Variants in NOS1AP observed in about 807,000 individuals in gnomAD.
NOS1AP encodes carboxyl-terminal PDZ ligand of neuronal nitric oxide synthase protein.
NOS1AP carries 21 observed loss-of-function variants against 56.2 expected under a neutral mutation model. The ratio of observed to expected loss-of-function variants is 0.37; its 90% CI spans 0.26 to 0.54. The LOEUF is 0.54. Among genes scored for constraint, NOS1AP ranks in the 20% least tolerant of loss-of-function variants. NOS1AP has a pLI of 0.84. For missense variants in NOS1AP, 522 were observed against 657.8 expected, an observed-to-expected ratio of 0.79 and a Z score of 2.26; for synonymous variants, 270 against 274.6, an observed-to-expected ratio of 0.98 and a Z score of 0.17.
intron 3 of NOS1AP, among the ~76,000 whole-genome samples, chr1:162,290,372 C>T (rs1415327333): frequency 1.3e-5 from 2 of 152,218 alleles, no homozygotes; most frequent in African/African-American, 4.8e-5. Flanking sequence ...TAACAGCAAT[C>T]AGCCTTTTTG....
chr1:162,191,517 C>G (rs996068872), intron 2 of NOS1AP, among the ~76,000 whole-genome samples: 1 of 152,154 alleles, frequency 6.6e-6, no homozygotes, highest in African/African-American at 2.4e-5. Flanking sequence ...TGGGAAGATC[C>G]TGTGTTCCCC....
At position 162,215,215 on chromosome 1, in the gene NOS1AP, C is replaced by T. The variant is rs139654511; in HGVS notation, c.177+60739C>T. ...TGCCTGCCCTGAGCACCCCTAGCCT[C>T]GGGGCCCGTAAGTCCCAGGAAGTGC... On this transcript the variant is annotated intron_variant, in intron 2 of 9. Coordinates refer to ENST00000361897, the MANE Select transcript of NOS1AP (RefSeq NM_014697.3). 2.3e-3 allele frequency among the ~76,000 whole-genome samples: 355 copies of T among 152,300 alleles called. 3 individuals carry two copies. The highest frequency in any genetic ancestry group is 7.9e-3 in the African/African-American group (329 of 41,562).
At chr1:162,138,867 GA>G (rs549358857) in intron 1 of NOS1AP, among the ~76,000 whole-genome samples, 72 of 152,322 alleles carry the variant, frequency 4.7e-4, no homozygotes, top group African/African-American at 1.7e-3. Context: ...CAGTTAGCCA[GA>G]GCAGGGGTTC....
intron 2 of NOS1AP, among the ~76,000 whole-genome samples, chr1:162,178,896 G>A (rs1444188338): frequency 1.3e-5 from 2 of 152,122 alleles, no homozygotes; most frequent in Non-Finnish European, 2.9e-5. Flanking sequence ...AAAGTAAAAA[G>A]ACTAGTTTAG....
At chr1:162,187,576 A>G (rs1165376650) in intron 2 of NOS1AP, among the ~76,000 whole-genome samples, 1 of 152,214 alleles carries the variant, frequency 6.6e-6, no homozygotes, top group Non-Finnish European at 1.5e-5. Context: ...TACATTGTCA[A>G]ATTGACTCCT....
intron 1 of NOS1AP, among the ~76,000 whole-genome samples, chr1:162,105,089 A>C (rs1647442243): frequency 6.6e-6 from 1 of 151,904 alleles, no homozygotes; most frequent in Non-Finnish European, 1.5e-5. Flanking sequence ...AGGGTTTTTG[A>C]GGGGTCTTTT....
chr1:162,118,414 G>T (rs754414458), intron 1 of NOS1AP, among the ~76,000 whole-genome samples: 3 of 152,160 alleles, frequency 2.0e-5, no homozygotes, highest in African/African-American at 7.2e-5. Context: ...CTACATCCAC[G>T]TTGCTGCAAA....
chr1:162,341,108 G>T (rs1657093931), intron 5 of NOS1AP, among the ~76,000 whole-genome samples: 1 of 152,158 alleles, frequency 6.6e-6, no homozygotes, highest in Non-Finnish European at 1.5e-5. Flanking sequence ...TCCTTCCAAA[G>T]ATAAATTTAG....
At chr1:162,207,172 C>T (rs1652189423) in intron 2 of NOS1AP, among the ~76,000 whole-genome samples, 1 of 152,224 alleles carries the variant, frequency 6.6e-6, no homozygotes, top group African/African-American at 2.4e-5. Flanking sequence ...TGAGCCTTCT[C>T]CCTGAGGAGA....
intron 5 of NOS1AP, among the ~76,000 whole-genome samples, chr1:162,334,131 C>T (rs1455280751): frequency 6.6e-6 from 1 of 152,208 alleles, no homozygotes; most frequent in South Asian, 2.1e-4. Context: ...ATAACACATG[C>T]CAGGGTCCAG....
intron 2 of NOS1AP, among the ~76,000 whole-genome samples, chr1:162,220,655 C>T (rs2101657069): frequency 6.6e-6 from 1 of 152,212 alleles, no homozygotes; most frequent in South Asian, 2.1e-4. Flanking sequence ...TTCTATGTTG[C>T]CCTGGCTGTT....
intron 1 of NOS1AP, among the ~76,000 whole-genome samples, chr1:162,114,223 G>A (rs1647833877): frequency 6.6e-6 from 1 of 152,020 alleles, no homozygotes; most frequent in Non-Finnish European, 1.5e-5. Flanking sequence ...GTATCAGTCA[G>A]GGTTCAACCA....
intron 2 of NOS1AP, among the ~76,000 whole-genome samples, chr1:162,184,532 G>C (rs906062303): frequency 2.0e-5 from 3 of 152,180 alleles, no homozygotes; most frequent in Admixed American, 6.5e-5. Context: ...CGTGTGCCTG[G>C]CCTGTATTTT....
intron 2 of NOS1AP, among the ~76,000 whole-genome samples, chr1:162,265,161 C>T (rs954586963): frequency 1.3e-5 from 2 of 151,980 alleles, no homozygotes; most frequent in African/African-American, 4.8e-5. Flanking sequence ...TGTGTCACTT[C>T]CTCAGGGAAG....
intron 3 of NOS1AP, among the ~76,000 whole-genome samples, chr1:162,293,196 A>G (rs1453976309): frequency 1.4e-5 from 2 of 146,892 alleles, no homozygotes; most frequent in East Asian, 3.9e-4. Flanking sequence ...AGCATGGAGA[A>G]CTTGTCAAAC....
chr1:162,318,357 T>G (rs927085832), intron 4 of NOS1AP, among the ~76,000 whole-genome samples: 23 of 152,202 alleles, frequency 1.5e-4, no homozygotes, highest in African/African-American at 5.3e-4. Flanking sequence ...CTTCCTGAGC[T>G]ACTCTACTGA....
intron 2 of NOS1AP, among the ~76,000 whole-genome samples, chr1:162,223,517 T>G (rs1324764550): frequency 6.6e-6 from 1 of 152,144 alleles, no homozygotes; most frequent in Admixed American, 6.5e-5. Flanking sequence ...GAGGAATGTC[T>G]GAAAGAGGTT....
chr1:162,080,805 T>G (rs573221472), intron 1 of NOS1AP, among the ~76,000 whole-genome samples: 3 of 152,186 alleles, frequency 2.0e-5, no homozygotes, highest in Non-Finnish European at 4.4e-5. Flanking sequence ...ACATTATAAT[T>G]ACTGTCATTT....
chr1:162,320,333 C>G (rs1300550440), intron 4 of NOS1AP, among the ~76,000 whole-genome samples: 1 of 152,178 alleles, frequency 6.6e-6, no homozygotes, highest in African/African-American at 2.4e-5. Flanking sequence ...ATTTCTCCAC[C>G]CTTTGTGGAC....
Sources: allele counts gnomAD v4.1 joint callset (sites outside exome capture counted in the v4.1 genomes callset), GRCh38; gene constraint gnomAD v4.1.1; transcripts MANE v1.5; gene names NCBI Gene and HGNC (gene_info 2026-07-23, HGNC 2026-07-21).